RBFOX1: variants seen among roughly 807,000 people sequenced by gnomAD.
The protein encoded by RBFOX1 is RNA binding protein fox-1 homolog 1.
A neutral mutation model predicts 57.7 loss-of-function variants in RBFOX1; 8 were observed. The observed-to-expected ratio is 0.14, with a 90% CI of 0.08 to 0.25. The LOEUF is 0.25. RBFOX1 is among the 10% of genes least tolerant of loss of function. The pLI, the probability that RBFOX1 is intolerant of heterozygous loss-of-function variation, is 1.00. For synonymous variants in RBFOX1, 326 were observed against 222.4 expected, an observed-to-expected ratio of 1.47 and a Z score of -4.15; for missense variants, 611 against 548.5, an observed-to-expected ratio of 1.11 and a Z score of -1.14.
In RBFOX1 at chr16:6,779,909, TTATATATTTATATATATTTA is replaced by T. The variant is rs1246725350; in HGVS notation, c.-16+125285_-16+125304del. Among the ~76,000 whole-genome samples, 38 of 23,462 alleles carry T rather than the reference TTATATATTTATATATATTTA, an allele frequency of 1.6e-3. 4 individuals are homozygous for T. The South Asian group carries it at 0.022, about 14-fold the overall frequency. 15.4% of individuals were successfully genotyped at this position (23,462 alleles called of 152,430 possible). On this transcript the variant is annotated intron_variant, in intron 3 of 15. Coordinates refer to ENST00000550418, the MANE Select transcript of RBFOX1 (RefSeq NM_018723.4). ...TATATTTATATATATTTATATATAT[TTATATATTTATATATATTTA>T]TATATATTTATATATATTTATATAT...
chr16:5,586,619 C>T (rs1197094581), intron 2 of RBFOX1, among the ~76,000 whole-genome samples: 1 of 152,168 alleles, frequency 6.6e-6, no homozygotes, highest in Non-Finnish European at 1.5e-5. Flanking sequence ...CATTGCAGCT[C>T]CTAAGTAGCT....
intron 3 of RBFOX1, among the ~76,000 whole-genome samples, chr16:6,894,725 G>T (rs1391422245): frequency 6.6e-6 from 1 of 152,056 alleles, no homozygotes; most frequent in African/African-American, 2.4e-5. Flanking sequence ...TTTGTAAAAA[G>T]GTTACCAACA....
intron 1 of RBFOX1, among the ~76,000 whole-genome samples, chr16:5,348,436 C>G (rs1458490219): frequency 1.3e-5 from 2 of 152,134 alleles, no homozygotes; most frequent in African/African-American, 4.8e-5. Flanking sequence ...TTTTAAGAGT[C>G]ATATGAAGTA....
chr16:7,386,461 T>C (rs952230298), intron 4 of RBFOX1, among the ~76,000 whole-genome samples: 8 of 151,522 alleles, frequency 5.3e-5, no homozygotes, highest in African/African-American at 1.9e-4. Context: ...CTCCCACTTA[T>C]GAGAACATGT....
intron 5 of RBFOX1, among the ~76,000 whole-genome samples, chr16:7,541,577 C>G (rs1314587118): frequency 6.6e-6 from 1 of 152,116 alleles, no homozygotes; most frequent in Non-Finnish European, 1.5e-5. Context: ...TCCATCTAGA[C>G]TGTCCCAGAT....
At chr16:6,412,366 C>T (rs550166359) in intron 2 of RBFOX1, among the ~76,000 whole-genome samples, 1 of 152,252 alleles carries the variant, frequency 6.6e-6, no homozygotes, top group African/African-American at 2.4e-5. Context: ...ACTTGGATTT[C>T]AGTCTTCCGT....
intron 11 of RBFOX1, among the ~76,000 whole-genome samples, chr16:7,646,415 A>G (rs2063749671): frequency 6.6e-6 from 1 of 152,360 alleles, no homozygotes; most frequent in Non-Finnish European, 1.5e-5. Flanking sequence ...GAATTGTGTA[A>G]GTGAATATTT....
chr16:6,445,736 C>G (rs1157806508), intron 2 of RBFOX1, among the ~76,000 whole-genome samples: 2 of 152,036 alleles, frequency 1.3e-5, no homozygotes, highest in African/African-American at 2.4e-5. Context: ...GCACACACCA[C>G]CATGCCCAGT....
intron 1 of RBFOX1, among the ~76,000 whole-genome samples, chr16:6,234,834 C>CAT (rs2097493034): frequency 6.6e-6 from 1 of 152,046 alleles, no homozygotes; most frequent in South Asian, 2.1e-4. Flanking sequence ...CACACACACA[C>CAT]AGGCACACAT....
In RBFOX1 at chr16:7,197,947, C is replaced by G. The variant is rs891096632; in HGVS notation, c.27+145849C>G. Among the ~76,000 whole-genome samples the G allele has an allele frequency of 5.2e-4, 76 of 146,160 alleles. 2 individuals are homozygous for G. The highest frequency in any genetic ancestry group is 2.7e-4 in the Admixed American group (4 of 14,714). On this transcript the variant is annotated intron_variant, in intron 4 of 15. Coordinates refer to ENST00000550418, the MANE Select transcript of RBFOX1 (RefSeq NM_018723.4). ...TAACTGAAAAATGATCATGTGTTTT[C>G]TCTTTTTTCCCCCGTTCCACTCAGC...
At chr16:6,931,458 C>G (rs1422151955) in intron 3 of RBFOX1, among the ~76,000 whole-genome samples, 1 of 152,100 alleles carries the variant, frequency 6.6e-6, no homozygotes, top group East Asian at 1.9e-4. Context: ...ACCAGCATCT[C>G]TGCAGGGTAT....
intron 3 of RBFOX1, among the ~76,000 whole-genome samples, chr16:5,671,303 G>T (rs995545932): frequency 2.0e-5 from 3 of 152,184 alleles, no homozygotes; most frequent in Non-Finnish European, 4.4e-5. Context: ...GGAGGCAGGG[G>T]GAGAGACATG....
chr16:5,905,377 A>T (rs890722067), intron 4 of RBFOX1, among the ~76,000 whole-genome samples: 3 of 151,896 alleles, frequency 2.0e-5, no homozygotes, highest in Non-Finnish European at 4.4e-5. Flanking sequence ...ACAAGGAGAG[A>T]TGATTAGGAC....
At chr16:7,451,827 G>C (rs28430461) in intron 4 of RBFOX1, among the ~76,000 whole-genome samples, 4,501 of 151,616 alleles carry the variant, frequency 0.03, 232 homozygotes, top group African/African-American at 0.1. Flanking sequence ...TCACCTCCCA[G>C]TTCCCTAATC....
intron 4 of RBFOX1, among the ~76,000 whole-genome samples, chr16:5,936,320 C>T (rs557763705): frequency 6.6e-6 from 1 of 152,288 alleles, no homozygotes; most frequent in Admixed American, 6.5e-5. Context: ...GATGGGGTTT[C>T]ACCACGTTCA....
chr16:7,386,689 C>A (rs979076586), intron 4 of RBFOX1, among the ~76,000 whole-genome samples: 1 of 152,144 alleles, frequency 6.6e-6, no homozygotes, highest in African/African-American at 2.4e-5. Flanking sequence ...AGTAATCATA[C>A]GTGTGCATGT....
chr16:6,479,375 G>C (rs984090227), intron 2 of RBFOX1, among the ~76,000 whole-genome samples: 2 of 152,084 alleles, frequency 1.3e-5, no homozygotes, highest in African/African-American at 4.8e-5. Context: ...ATCTCTTGAG[G>C]ACAGGAGTTA....
intron 1 of RBFOX1, among the ~76,000 whole-genome samples, chr16:5,256,835 G>T (rs2062601765): frequency 6.6e-6 from 1 of 152,042 alleles, no homozygotes; most frequent in South Asian, 2.1e-4. Flanking sequence ...TCGGGAGGCT[G>T]AGGCACAAGA....
intron 1 of RBFOX1, among the ~76,000 whole-genome samples, chr16:6,307,440 G>C (rs1488328883): frequency 2.6e-5 from 4 of 151,366 alleles, no homozygotes; most frequent in Non-Finnish European, 4.4e-5. Context: ...AAATGGATAA[G>C]AAATAAATTA....
Sources: allele counts gnomAD v4.1 joint callset (sites outside exome capture counted in the v4.1 genomes callset), GRCh38; gene constraint gnomAD v4.1.1; transcripts MANE v1.5; gene names NCBI Gene and HGNC (gene_info 2026-07-23, HGNC 2026-07-21).